The following ANLN variants were observed in gnomAD, a reference collection of about 807,000 sequenced individuals.
ANLN encodes anillin, actin binding protein.
ANLN carries 59 observed loss-of-function variants against 135.1 expected under a neutral mutation model. That is an observed-to-expected ratio of 0.44 (90% CI 0.35 to 0.54). The LOEUF is 0.54. Ranked by LOEUF, ANLN falls within the 20% of genes least tolerant of loss-of-function variation. The pLI, the probability that ANLN is intolerant of heterozygous loss-of-function variation, is 0.00. For missense variants in ANLN, 1,182 were observed against 1,340.0 expected (o/e 0.88, Z 1.84); for synonymous variants, 406 against 456.4 (o/e 0.89, Z 1.41).
At position 36,452,471 on chromosome 7, in the gene ANLN, C is replaced by T. The variant is rs762359073; in HGVS notation, c.3252-6C>T. ...TTCTGACCTCTTTGGTTGTTTGTTC[C>T]TGTAGGAACTGGCTGTCTGCAGATA... On this transcript the variant is annotated splice_polypyrimidine_tract_variant and splice_region_variant and intron_variant, in intron 23 of 23. Coordinates refer to ENST00000265748, the MANE Select transcript of ANLN (RefSeq NM_018685.5). The T allele has an allele frequency of 6.2e-7, 1 of 1,613,668 alleles. No homozygotes were observed. The highest frequency in any genetic ancestry group is 2.2e-5 in the East Asian group (1 of 44,878).
intron 21 of ANLN, among the ~76,000 whole-genome samples, chr7:36,441,502 T>C (rs1380053375): frequency 6.6e-6 from 1 of 152,184 alleles, no homozygotes; most frequent in African/African-American, 2.4e-5. Flanking sequence ...AGGGCTGCCC[T>C]GGAGGAGGGC....
intron 20 of ANLN, among the ~76,000 whole-genome samples, chr7:36,428,822 A>G (rs921939080): frequency 1.5e-5 from 2 of 134,128 alleles, no homozygotes; most frequent in African/African-American, 5.6e-5. Flanking sequence ...TCTGTCACCC[A>G]GGCTGGAGTG....
chr7:36,406,999 A>T (rs1787218351), intron 4 of ANLN, among the ~76,000 whole-genome samples: 1 of 152,230 alleles, frequency 6.6e-6, no homozygotes, highest in Admixed American at 6.5e-5. Context: ...ACAGGGTGTG[A>T]TACTTTCACT....
intron 20 of ANLN, among the ~76,000 whole-genome samples, chr7:36,438,067 G>A (rs1788619430): frequency 6.6e-6 from 1 of 152,180 alleles, no homozygotes; most frequent in South Asian, 2.1e-4. Flanking sequence ...GGGATTACAG[G>A]CGTGAGCCAC....
At chr7:36,412,328 T>TATATATA (rs1554343031) in intron 7 of ANLN, among the ~76,000 whole-genome samples, 175 of 63,098 alleles carry the variant, frequency 2.8e-3, no homozygotes, top group African/African-American at 5.6e-3. Flanking sequence ...TATATATATA[T>TATATATA]TTTTTTTTTT....
intron 20 of ANLN, among the ~76,000 whole-genome samples, chr7:36,432,120 G>C (rs1269052463): frequency 6.6e-6 from 1 of 152,166 alleles, no homozygotes; most frequent in Non-Finnish European, 1.5e-5. Flanking sequence ...TATTCAGAAG[G>C]CTGAGATGGG....
intron 3 of ANLN, among the ~76,000 whole-genome samples, chr7:36,404,575 T>C (rs970924568): frequency 6.6e-6 from 1 of 152,254 alleles, no homozygotes; most frequent in African/African-American, 2.4e-5. Flanking sequence ...ATTTTTACCA[T>C]AGATCTTAGC....
intron 1 of ANLN, 139 bp from the exon 2 acceptor site, chr7:36,396,127 A>T: frequency 1.8e-6 from 1 of 568,334 alleles, no homozygotes; most frequent in Non-Finnish European, 2.8e-6. Context: ...GTGAATCTTG[A>T]CATAATTGCT....
At chr7:36,451,094 CT>C (rs1175990634) in intron 23 of ANLN, among the ~76,000 whole-genome samples, 1 of 152,192 alleles carries the variant, frequency 6.6e-6, no homozygotes, top group African/African-American at 2.4e-5. Flanking sequence ...GAGTCTTCAG[CT>C]TTGCTTGGTG....
chr7:36,441,007 G>A (rs1031243607), intron 21 of ANLN, among the ~76,000 whole-genome samples: 7 of 152,072 alleles, frequency 4.6e-5, no homozygotes, highest in African/African-American at 1.4e-4. Context: ...CCAAGGATTG[G>A]GAATTGCTAC....
chr7:36,419,524 A>G (rs760489224), intron 10 of ANLN, 45 bp downstream of exon 10: 9 of 1,510,960 alleles, frequency 6.0e-6, no homozygotes, highest in Non-Finnish European at 8.2e-6. Context: ...AAGTAAACTA[A>G]GTAGTATTCG....
In ANLN at chr7:36,396,426, G is replaced by T. The variant is rs1791131626; in HGVS notation, c.172+7G>T. 3.3e-6 allele frequency: 5 copies of T among 1,535,162 alleles called. No individual in the cohort carries two copies. Among genetic ancestry groups the T allele is most frequent in the African/African-American group, 2.8e-5 (2 of 72,086 alleles). ...CCCCTCTCTGGTGGTGAAGGTAAAA[G>T]ACTTTGTGGGGAAAAATAACATTTA... is the stretch of plus-strand genomic sequence containing the variant. On this transcript the variant is annotated splice_region_variant and intron_variant, in intron 2 of 23. Coordinates refer to ENST00000265748, the MANE Select transcript of ANLN (RefSeq NM_018685.5).
At position 36,417,958 on chromosome 7, in the gene ANLN, A is replaced by G. The variant is rs1163945905; in HGVS notation, c.1633+768A>G. On this transcript the variant is annotated intron_variant, in intron 9 of 23. Coordinates refer to ENST00000265748, the MANE Select transcript of ANLN (RefSeq NM_018685.5). Reference sequence around the variant, plus strand: ...CCAAAGTGCTGGGATTACAGGCGTGAGCCACCATACCTGGCCCAGGGCTCT... The same window carrying G: ...CCAAAGTGCTGGGATTACAGGCGTGGGCCACCATACCTGGCCCAGGGCTCT... Among the ~76,000 whole-genome samples the G allele has an allele frequency of 3.9e-5, 6 of 152,136 alleles. 1 individual carries two copies.
rs75642755 is a variant in ANLN at position 36,402,501 on chromosome 7, C to T, written c.487+3108C>T. ...AGTCCCTCCTCAATTTTCACACCAG[C>T]GCGATTTTTCTAAAACACTTGCCTG... On this transcript the variant is annotated intron_variant, in intron 3 of 23. Coordinates refer to ENST00000265748, the MANE Select transcript of ANLN (RefSeq NM_018685.5). Among the ~76,000 whole-genome samples the T allele has an allele frequency of 8.8e-3, 1,346 of 152,174 alleles. 19 individuals carry two copies. Among genetic ancestry groups the T allele is most frequent in the African/African-American group, 0.031 (1,296 of 41,508 alleles).
rs1271221947 is a variant in ANLN at position 36,453,212 on chromosome 7, A to G, written c.*612A>G. The stretch of plus-strand genomic sequence containing the variant: ...GAGACTTGGGGGTTCAATATTTTAT[A>G]TAGAAGAGTTAATAAGCACATGGTT... On this transcript the variant is annotated 3_prime_UTR_variant, in exon 24 of 24. Coordinates refer to ENST00000265748, the MANE Select transcript of ANLN (RefSeq NM_018685.5). 2.0e-5 allele frequency: 3 copies of G among 152,262 alleles called. No homozygotes were observed. The highest frequency in any genetic ancestry group is 4.8e-5 in the African/African-American group (2 of 41,462). The allele number at this position is 152,262 out of a possible 1,614,324, so 9.4% of individuals were successfully genotyped here.
chr7:36,406,640 A>G (rs1012751948), intron 4 of ANLN, 74 bp downstream of exon 4: 1 of 1,314,746 alleles, frequency 7.6e-7, no homozygotes, highest in African/African-American at 1.5e-5. Flanking sequence ...ATCTGTGTGT[A>G]TGTGCAGGTG....
chr7:36,406,938 A>T (rs1340704813), intron 4 of ANLN, among the ~76,000 whole-genome samples: 1 of 152,208 alleles, frequency 6.6e-6, no homozygotes, highest in Non-Finnish European at 1.5e-5. Flanking sequence ...TTCTGAAAAG[A>T]TATATAACAA....
intron 20 of ANLN, among the ~76,000 whole-genome samples, chr7:36,435,168 G>A (rs968676196): frequency 6.6e-6 from 1 of 152,062 alleles, no homozygotes; most frequent in African/African-American, 2.4e-5. Flanking sequence ...CTTAAGTGTA[G>A]CATTCAGTGA....
Position 36,424,555 on chromosome 7 carries a change from T to G in ANLN, c.2614T>G (p.Ser872Ala). The G allele has an allele frequency of 1.3e-6, 2 of 1,599,854 alleles. No individual in the cohort carries two copies. The highest frequency in any genetic ancestry group is 1.7e-6 in the Non-Finnish European group (2 of 1,172,426). ...FTTTFTLQDV[S>A]NDFEINIEVY... ...GCTTTATTTTTCCAGGCAAGATGTA[T>G]CCAATGACTTTGAAATAAATATTGA... is the stretch of plus-strand genomic sequence containing the variant. Residue 872 changes from serine to alanine, a missense_variant, in exon 16 of 24, where the codon TCC becomes GCC. Physicochemically the swap from Ser to Ala is moderately conservative, Grantham distance 99. Coordinates refer to ENST00000265748, the MANE Select transcript of ANLN (RefSeq NM_018685.5).
Sources: allele counts gnomAD v4.1 joint callset (sites outside exome capture counted in the v4.1 genomes callset), GRCh38; gene constraint gnomAD v4.1.1; transcripts MANE v1.5; gene names NCBI Gene and HGNC (gene_info 2026-07-23, HGNC 2026-07-21).